CCSER1: variants seen among roughly 807,000 people sequenced by gnomAD.
CCSER1 encodes coiled-coil serine rich protein 1, also known as serine-rich coiled-coil domain-containing protein 1.
A neutral mutation model predicts 82.0 loss-of-function variants in CCSER1; 41 were observed. That is an observed-to-expected ratio of 0.50 (90% confidence interval 0.39 to 0.65). The LOEUF (loss-of-function observed/expected upper bound fraction) is 0.65. Ranked by LOEUF, CCSER1 falls within the 30% of genes least tolerant of loss-of-function variation. The pLI is 0.00. For missense variants in CCSER1, 1,119 were observed against 1,064.2 expected, an observed-to-expected ratio of 1.05 and a Z score of -0.72; for synonymous variants, 414 against 383.9, an observed-to-expected ratio of 1.08 and a Z score of -0.92.
chr4:91,309,434 A>G (rs1407033877), intron 10 of CCSER1, among the ~76,000 whole-genome samples: 1 of 152,078 alleles, frequency 6.6e-6, no homozygotes, highest in Non-Finnish European at 1.5e-5. Context: ...ATTTCATTAA[A>G]TAGAAAGAAA....
At chr4:91,353,987 A>G (rs1748652578) in intron 10 of CCSER1, among the ~76,000 whole-genome samples, 1 of 152,172 alleles carries the variant, frequency 6.6e-6, no homozygotes, top group Non-Finnish European at 1.5e-5. Context: ...AACAATTAGT[A>G]AGGTTAATTT....
chr4:91,276,982 C>A (rs1742517226), intron 10 of CCSER1, among the ~76,000 whole-genome samples: 1 of 152,010 alleles, frequency 6.6e-6, no homozygotes, highest in Non-Finnish European at 1.5e-5. Context: ...TTGAACTAGT[C>A]TTGCACTGCT....
At chr4:90,937,919 T>G (rs1393808995) in intron 9 of CCSER1, among the ~76,000 whole-genome samples, 4 of 152,180 alleles carry the variant, frequency 2.6e-5, no homozygotes, top group Non-Finnish European at 5.9e-5. Flanking sequence ...TATTAACATG[T>G]ATCTGTCCTA....
At chr4:91,135,197 T>C (rs577813754) in intron 10 of CCSER1, among the ~76,000 whole-genome samples, 3 of 152,186 alleles carry the variant, frequency 2.0e-5, no homozygotes, top group Non-Finnish European at 2.9e-5. Context: ...GTCAACATAT[T>C]TTTAATATCT....
intron 5 of CCSER1, among the ~76,000 whole-genome samples, chr4:90,473,753 A>C (rs900159558): frequency 6.6e-6 from 1 of 152,202 alleles, no homozygotes; most frequent in Admixed American, 6.5e-5. Context: ...GTTGTTACAC[A>C]AACTCTGTGG....
intron 5 of CCSER1, among the ~76,000 whole-genome samples, chr4:90,510,276 T>A (rs578144422): frequency 2.0e-4 from 30 of 152,350 alleles, no homozygotes; most frequent in African/African-American, 7.2e-4. Flanking sequence ...CTGAGATCAA[T>A]AAAGGTATTA....
chr4:90,563,500 TG>T (rs2153649146), intron 5 of CCSER1, among the ~76,000 whole-genome samples: 1 of 152,298 alleles, frequency 6.6e-6, no homozygotes, highest in South Asian at 2.1e-4. Context: ...TCTACTTTTA[TG>T]TCAGCAATTT....
chr4:90,159,506 A>G (rs575637787), intron 1 of CCSER1, among the ~76,000 whole-genome samples: 1 of 152,332 alleles, frequency 6.6e-6, no homozygotes, highest in South Asian at 2.1e-4. Context: ...TTTCCTTACT[A>G]GAGAGAGAAC....
intron 9 of CCSER1, among the ~76,000 whole-genome samples, chr4:90,942,349 A>G (rs1004446055): frequency 4.6e-5 from 7 of 152,304 alleles, no homozygotes; most frequent in African/African-American, 1.7e-4. Context: ...AAGAAAAAAT[A>G]TGTAAGCATA....
In CCSER1 at chr4:91,351,818, A is replaced by T. The variant is rs376425163; in HGVS notation, c.2218-246754A>T. Among the ~76,000 whole-genome samples, 14 of 152,246 alleles carry T rather than the reference A, an allele frequency of 9.2e-5. No individual in the cohort carries two copies. The South Asian group carries it at 2.7e-3, about 29-fold the overall frequency. On this transcript the variant is annotated intron_variant, in intron 10 of 10. Transcript: ENST00000509176. The stretch of plus-strand genomic sequence containing the variant: ...ACCATTTCAATTTTAAAGGGAAAAT[A>T]TTCATTTGTCCTATTTTGTTTTTCA...
At chr4:91,447,324 T>A (rs2149414842) in intron 10 of CCSER1, among the ~76,000 whole-genome samples, 1 of 152,256 alleles carries the variant, frequency 6.6e-6, no homozygotes, top group East Asian at 1.9e-4. Flanking sequence ...GTGCTCCTTG[T>A]CTTTTGTTCC....
At chr4:91,230,276 C>A (rs529877784) in intron 10 of CCSER1, among the ~76,000 whole-genome samples, 58 of 152,054 alleles carry the variant, frequency 3.8e-4, no homozygotes, top group African/African-American at 1.4e-3. Context: ...CATAAATACA[C>A]AGATACTTCA....
intron 9 of CCSER1, among the ~76,000 whole-genome samples, chr4:91,047,202 A>G (rs868303789): frequency 7.9e-5 from 12 of 152,192 alleles, no homozygotes; most frequent in Non-Finnish European, 1.0e-4. Flanking sequence ...TTTCAGTTTT[A>G]TAATTCTCAC....
At chr4:90,354,500 A>AAC (rs988040967) in intron 3 of CCSER1, among the ~76,000 whole-genome samples, 1 of 152,052 alleles carries the variant, frequency 6.6e-6, no homozygotes, top group Non-Finnish European at 1.5e-5. Flanking sequence ...CACGCACACA[A>AAC]ACACACACAC....
chr4:91,144,512 A>C (rs1268517637), intron 10 of CCSER1, among the ~76,000 whole-genome samples: 1 of 151,500 alleles, frequency 6.6e-6, no homozygotes, highest in Non-Finnish European at 1.5e-5. Context: ...CTTTGGGGCT[A>C]GTTTGTTGTC....
intron 4 of CCSER1, among the ~76,000 whole-genome samples, chr4:90,449,514 G>A (rs988974498): frequency 6.6e-6 from 1 of 152,178 alleles, no homozygotes; most frequent in Non-Finnish European, 1.5e-5. Context: ...TGACGCTCAT[G>A]GTGCCCAGGC....
intron 10 of CCSER1, among the ~76,000 whole-genome samples, chr4:91,321,715 A>T (rs1746208075): frequency 6.6e-6 from 1 of 152,062 alleles, no homozygotes; most frequent in African/African-American, 2.4e-5. Context: ...CAAATGTACT[A>T]TCTTCTCTGC....
At chr4:91,293,309 A>G (rs1265433609) in intron 10 of CCSER1, among the ~76,000 whole-genome samples, 4 of 151,976 alleles carry the variant, frequency 2.6e-5, no homozygotes, top group Admixed American at 2.6e-4. Context: ...GGGTATTTAT[A>G]GCATTTGGAA....
chr4:90,962,000 T>C (rs1734094512), intron 9 of CCSER1, among the ~76,000 whole-genome samples: 1 of 152,096 alleles, frequency 6.6e-6, no homozygotes, highest in African/African-American at 2.4e-5. Context: ...AAAACATTGT[T>C]TAAAGTCCCC....
Sources: allele counts gnomAD v4.1 joint callset (sites outside exome capture counted in the v4.1 genomes callset), GRCh38; gene constraint gnomAD v4.1.1; transcripts MANE v1.5; gene names NCBI Gene and HGNC (gene_info 2026-07-23, HGNC 2026-07-21).